The following KDM4C variants were observed in gnomAD, a reference collection of about 807,000 sequenced individuals.
KDM4C encodes lysine-specific demethylase 4C.
Under a neutral mutation model 129.3 loss-of-function variants are expected in KDM4C, and 81 were observed. The observed-to-expected ratio is 0.63, with a 90% CI of 0.52 to 0.75. KDM4C has a LOEUF of 0.75. KDM4C is among the 30% of genes least tolerant of loss of function. The pLI is 0.00. For missense variants in KDM4C, 1,457 were observed against 1,304.0 expected, an observed-to-expected ratio of 1.12 and a Z score of -1.81; for synonymous variants, 573 against 456.1, an observed-to-expected ratio of 1.26 and a Z score of -3.26.
chr9:6,989,077 G>T (rs913087512), intron 11 of KDM4C, among the ~76,000 whole-genome samples: 1 of 152,190 alleles, frequency 6.6e-6, no homozygotes, highest in African/African-American at 2.4e-5. Context: ...ATGGTGCATA[G>T]TAGTGTGTTG....
intron 10 of KDM4C, among the ~76,000 whole-genome samples, chr9:6,984,761 C>A (rs1173422646): frequency 3.3e-5 from 5 of 151,528 alleles, no homozygotes; most frequent in African/African-American, 1.2e-4. Context: ...ATAGATAATT[C>A]TTTGTAGATT....
chr9:6,893,092 C>A lies in KDM4C; in HGVS notation c.784-3C>A, dbSNP rs1275494165. ...AAAATATTATATGTTTCCTACCTTG[C>A]AGATAACCCAGGAGGCTGGAGAATT... On this transcript the variant is annotated splice_region_variant and splice_polypyrimidine_tract_variant and intron_variant, in intron 7 of 21. Coordinates refer to ENST00000381309, the MANE Select transcript of KDM4C (RefSeq NM_015061.6). 2 of 1,524,266 alleles carry A rather than the reference C, an allele frequency of 1.3e-6. No homozygotes were observed. Among genetic ancestry groups the A allele is most frequent in the Admixed American group, 2.1e-5 (1 of 48,194 alleles). 94.4% of individuals were successfully genotyped at this position (1,524,266 alleles called of 1,614,324 possible). A position where few individuals can be genotyped will look rare whatever the true frequency, so the allele number is the denominator to read the frequency against.
chr9:6,939,976 A>ACCTACCTACCTTCCTTCCTT (rs1458974643), intron 8 of KDM4C, among the ~76,000 whole-genome samples: 6 of 93,526 alleles, frequency 6.4e-5, no homozygotes, highest in South Asian at 4.4e-4. Flanking sequence ...CTACCTACCT[A>ACCTACCTACCTTCCTTCCTT]CCTTCCTTCC....
At chr9:6,934,610 C>T (rs1256703264) in intron 8 of KDM4C, among the ~76,000 whole-genome samples, 1 of 151,676 alleles carries the variant, frequency 6.6e-6, no homozygotes, top group Non-Finnish European at 1.5e-5. Flanking sequence ...ACTACAGGCA[C>T]GCGCCACCAT....
intron 4 of KDM4C, among the ~76,000 whole-genome samples, chr9:6,846,932 G>A (rs1837948648): frequency 6.6e-6 from 1 of 152,160 alleles, no homozygotes; most frequent in African/African-American, 2.4e-5. Context: ...AGAAAGACTT[G>A]ACGCTCAGAA....
chr9:7,073,721 A>G (rs796706909), intron 17 of KDM4C, among the ~76,000 whole-genome samples: 3 of 152,298 alleles, frequency 2.0e-5, no homozygotes, highest in South Asian at 2.1e-4. Flanking sequence ...AATGGGAGAA[A>G]TATTCTTAAA....
chr9:7,020,014 A>T (rs980331133), intron 15 of KDM4C, among the ~76,000 whole-genome samples: 2 of 151,916 alleles, frequency 1.3e-5, no homozygotes, highest in Admixed American at 6.6e-5. Flanking sequence ...GATCATAGTG[A>T]TGTGGGCTGG....
intron 17 of KDM4C, among the ~76,000 whole-genome samples, chr9:7,092,604 A>G (rs1835931915): frequency 6.6e-6 from 1 of 152,200 alleles, no homozygotes. Context: ...TTTGTCTTTT[A>G]CTGCCGTGAA....
chr9:6,873,941 CGAGAGAGA>C (rs61477112), intron 5 of KDM4C, among the ~76,000 whole-genome samples: 41 of 132,156 alleles, frequency 3.1e-4, no homozygotes, highest in Middle Eastern at 3.8e-3. Flanking sequence ...TGAGAGAGAG[CGAGAGAGA>C]GAGAGAGAGA....
chr9:6,782,946 A>T (rs1386766661), intron 1 of KDM4C, among the ~76,000 whole-genome samples: 2 of 152,284 alleles, frequency 1.3e-5, no homozygotes, highest in South Asian at 2.1e-4. Context: ...TGGATGTGAA[A>T]GATGCTCAGG....
At chr9:6,905,853 C>T (rs1418285381) in intron 8 of KDM4C, among the ~76,000 whole-genome samples, 1 of 152,170 alleles carries the variant, frequency 6.6e-6, no homozygotes, top group Non-Finnish European at 1.5e-5. Context: ...ACAGATTCTC[C>T]TTCAATTCCT....
intron 4 of KDM4C, among the ~76,000 whole-genome samples, chr9:6,822,265 T>C (rs1029317391): frequency 2.4e-4 from 37 of 152,242 alleles, no homozygotes; most frequent in Middle Eastern, 3.2e-3. Flanking sequence ...TATATGGCCT[T>C]CAAAGCCTAA....
intron 5 of KDM4C, among the ~76,000 whole-genome samples, chr9:6,878,197 C>T (rs1272814563): frequency 2.0e-5 from 3 of 152,124 alleles, no homozygotes; most frequent in Non-Finnish European, 4.4e-5. Flanking sequence ...TACATGTCTT[C>T]CGTGTACGGG....
chr9:7,031,103 G>T (rs910973177), intron 15 of KDM4C, among the ~76,000 whole-genome samples: 1 of 151,426 alleles, frequency 6.6e-6, no homozygotes, highest in African/African-American at 2.4e-5. Flanking sequence ...AGCCATACAT[G>T]TATTCATTGT....
At chr9:6,924,244 G>A (rs908527190) in intron 8 of KDM4C, among the ~76,000 whole-genome samples, 8 of 152,232 alleles carry the variant, frequency 5.3e-5, no homozygotes, top group Non-Finnish European at 7.3e-5. Flanking sequence ...GACAGATGGT[G>A]TGGACTAGTT....
intron 1 of KDM4C, among the ~76,000 whole-genome samples, chr9:6,770,429 A>C (rs560774206): frequency 6.6e-6 from 1 of 152,306 alleles, no homozygotes; most frequent in South Asian, 2.1e-4. Flanking sequence ...TTGAAAATAC[A>C]TGTCAATATC....
intron 5 of KDM4C, among the ~76,000 whole-genome samples, chr9:6,853,288 G>A (rs1274408111): frequency 6.6e-6 from 1 of 151,668 alleles, no homozygotes; most frequent in African/African-American, 2.4e-5. Flanking sequence ...AGGAGTTCAA[G>A]ACCAGCCTGG....
intron 17 of KDM4C, among the ~76,000 whole-genome samples, chr9:7,058,606 T>G (rs774429270): frequency 3.9e-5 from 6 of 152,138 alleles, no homozygotes; most frequent in Non-Finnish European, 8.8e-5. Flanking sequence ...CTAGTAACCA[T>G]TGTATTCTCC....
chr9:6,919,524 A>G (rs992909812), intron 8 of KDM4C, among the ~76,000 whole-genome samples: 1 of 143,708 alleles, frequency 7.0e-6, no homozygotes, highest in East Asian at 2.0e-4. Context: ...TCATCTTTCA[A>G]TTTCATCTGT....
Sources: allele counts gnomAD v4.1 joint callset (sites outside exome capture counted in the v4.1 genomes callset), GRCh38; gene constraint gnomAD v4.1.1; transcripts MANE v1.5; gene names NCBI Gene and HGNC (gene_info 2026-07-23, HGNC 2026-07-21).